SLC25A12: variants seen among roughly 807,000 people sequenced by gnomAD.
SLC25A12 encodes the protein solute carrier family 25 member 12.
In SLC25A12, 32 loss-of-function variants were observed where a neutral mutation model predicts 83.3. The observed-to-expected ratio is 0.38, with a 90% confidence interval of 0.29 to 0.52. The LOEUF is 0.52. SLC25A12 is among the 20% of genes least tolerant of loss of function. The probability of loss-of-function intolerance (pLI) is 0.84; values close to 1 mark genes in which losing one functional copy is unlikely to be tolerated. For synonymous variants in SLC25A12, 267 were observed against 291.1 expected (o/e 0.92, Z 0.84); for missense variants, 611 against 835.6 (o/e 0.73, Z 3.31).
At chr2:171,873,174 T>C (rs1685493174) in intron 2 of SLC25A12, among the ~76,000 whole-genome samples, 1 of 152,106 alleles carries the variant, frequency 6.6e-6, no homozygotes, top group African/African-American at 2.4e-5. Flanking sequence ...GAGGGCCGGA[T>C]GCAGTGGCTC....
rs1025199356 is a variant in SLC25A12 at position 171,807,895 on chromosome 2, A to G, written c.1305+1711T>C. On this transcript the variant is annotated intron_variant, in intron 13 of 17. Coordinates refer to ENST00000422440, the MANE Select transcript of SLC25A12 (RefSeq NM_003705.5). ...TCCACCTCTTCCAAAGCAACTCTGC[A>G]GAGGACTCAGGTATGTGCCACACTG... Among the ~76,000 whole-genome samples, 14 of 152,332 alleles carry G rather than the reference A, an allele frequency of 9.2e-5. No homozygotes were observed. The South Asian group carries it at 2.9e-3, about 32-fold the overall frequency.
chr2:171,818,513 G>A (rs1357237833), intron 9 of SLC25A12, among the ~76,000 whole-genome samples: 1 of 151,626 alleles, frequency 6.6e-6, no homozygotes, highest in Non-Finnish European at 1.5e-5. Context: ...GCTCATAGCA[G>A]TAATCCCAGC....
intron 2 of SLC25A12, among the ~76,000 whole-genome samples, chr2:171,880,544 C>T (rs1685669002): frequency 6.6e-6 from 1 of 152,150 alleles, no homozygotes; most frequent in Admixed American, 6.5e-5. Context: ...TTCGAAAGTG[C>T]TGGGATTACA....
At chr2:171,842,888 C>T (rs1442129711) in intron 5 of SLC25A12, among the ~76,000 whole-genome samples, 2 of 152,186 alleles carry the variant, frequency 1.3e-5, no homozygotes, top group Admixed American at 1.3e-4. Flanking sequence ...GCGATGCAAT[C>T]TCAGCTCACT....
At chr2:171,858,163 T>G (rs1236167322) in intron 3 of SLC25A12, among the ~76,000 whole-genome samples, 2 of 152,116 alleles carry the variant, frequency 1.3e-5, no homozygotes, top group Non-Finnish European at 2.9e-5. Flanking sequence ...TAAAAATGTG[T>G]CTCATATGCA....
chr2:171,783,419 A>C lies in SLC25A12; in HGVS notation c.*1855T>G, dbSNP rs1487285751. 6.6e-6 allele frequency among the ~76,000 whole-genome samples: 1 copy of C among 152,246 alleles called. No homozygotes were observed. Among genetic ancestry groups the C allele is most frequent in the Non-Finnish European group, 1.5e-5 (1 of 68,044 alleles). ...AATACTATGCAGCCATTAAAAATAAAACTTTATAAACTGACATGGAAAGAT... is the reference window on the plus strand; with the variant it reads ...AATACTATGCAGCCATTAAAAATAACACTTTATAAACTGACATGGAAAGAT... On this transcript the variant is annotated 3_prime_UTR_variant, in exon 18 of 18. Transcript: ENST00000422440.
chr2:171,817,600 CAAAAA>C (rs71013076), intron 9 of SLC25A12, among the ~76,000 whole-genome samples: 7 of 64,252 alleles, frequency 1.1e-4, no homozygotes, highest in South Asian at 1.4e-3. Flanking sequence ...GACTCTGCCT[CAAAAA>C]AAAAAAAAAA....
At chr2:171,853,561 A>C (rs1223791460) in intron 4 of SLC25A12, among the ~76,000 whole-genome samples, 1 of 152,148 alleles carries the variant, frequency 6.6e-6, no homozygotes, top group Non-Finnish European at 1.5e-5. Flanking sequence ...GGTGCCTGTA[A>C]TCCCAGGTAC....
At chr2:171,840,257 C>A (rs1225745800) in intron 5 of SLC25A12, among the ~76,000 whole-genome samples, 1 of 151,936 alleles carries the variant, frequency 6.6e-6, no homozygotes, top group African/African-American at 2.4e-5. Flanking sequence ...TGGTGGCACA[C>A]GCCTGTAGTA....
At chr2:171,870,196 AGTTT>A (rs892773848) in intron 2 of SLC25A12, among the ~76,000 whole-genome samples, 16 of 152,338 alleles carry the variant, frequency 1.1e-4, no homozygotes, top group African/African-American at 3.8e-4. Context: ...GCAAATCAAA[AGTTT>A]GGTAATTTTT....
At chr2:171,873,560 T>C (rs1217152820) in intron 2 of SLC25A12, among the ~76,000 whole-genome samples, 2 of 152,216 alleles carry the variant, frequency 1.3e-5, no homozygotes, top group Non-Finnish European at 2.9e-5. Flanking sequence ...TGGTTTTTTA[T>C]TATTTTAATA....
chr2:171,877,326 A>G (rs1029393632), intron 2 of SLC25A12, among the ~76,000 whole-genome samples: 2 of 152,210 alleles, frequency 1.3e-5, no homozygotes, highest in African/African-American at 4.8e-5. Flanking sequence ...CTGGATAGCA[A>G]TAACTCCTTT....
intron 13 of SLC25A12, among the ~76,000 whole-genome samples, chr2:171,800,754 C>A (rs965329404): frequency 6.6e-6 from 1 of 152,128 alleles, no homozygotes; most frequent in Non-Finnish European, 1.5e-5. Context: ...TAAATTCGTA[C>A]GATGAAATAC....
intron 8 of SLC25A12, among the ~76,000 whole-genome samples, chr2:171,832,625 T>C (rs762695424): frequency 1.3e-5 from 2 of 152,174 alleles, no homozygotes; most frequent in Non-Finnish European, 2.9e-5. Flanking sequence ...ATCCAACTCA[T>C]ACCCCTTTTG....
chr2:171,829,683 A>C (rs1282073853), intron 8 of SLC25A12, among the ~76,000 whole-genome samples: 1 of 152,250 alleles, frequency 6.6e-6, no homozygotes, highest in Non-Finnish European at 1.5e-5. Flanking sequence ...CTATTCAGAG[A>C]ACCCCAGAAA....
At chr2:171,824,363 T>C (rs1055365218) in intron 9 of SLC25A12, among the ~76,000 whole-genome samples, 1 of 152,104 alleles carries the variant, frequency 6.6e-6, no homozygotes, top group Admixed American at 6.6e-5. Context: ...ATATGGCCTC[T>C]AGGAAAATTG....
intron 9 of SLC25A12, among the ~76,000 whole-genome samples, chr2:171,819,392 T>A (rs370846566): frequency 1.1e-4 from 6 of 56,056 alleles, no homozygotes; most frequent in Admixed American, 4.0e-4. Flanking sequence ...ATAATATATA[T>A]TATATAATTA....
At chr2:171,853,407 G>A (rs536170717) in intron 4 of SLC25A12, among the ~76,000 whole-genome samples, 1 of 128,118 alleles carries the variant, frequency 7.8e-6, no homozygotes, top group Non-Finnish European at 1.7e-5. Flanking sequence ...TGGGTGCAGT[G>A]GCTCACGCCT....
Position 171,849,401 on chromosome 2 carries a change from G to GA in SLC25A12, c.326-4894dup, listed in dbSNP as rs1383271944. Among the ~76,000 whole-genome samples the GA allele has an allele frequency of 1.1e-3, 151 of 138,926 alleles. No homozygotes were observed. In the East Asian group the frequency reaches 0.012, roughly 11 times the overall value. The allele number at this position is 138,926 out of a possible 152,430, so 91.1% of individuals were successfully genotyped here. On this transcript the variant is annotated intron_variant, in intron 4 of 17. Coordinates refer to ENST00000422440, the MANE Select transcript of SLC25A12 (RefSeq NM_003705.5). ...CTGCAATATCCGAAAGCAACACCAA[G>GA]AAAAAAAAAAATCAAAAAATCTTCC...
Sources: gnomAD v4.1 joint callset for allele counts (sites outside exome capture counted in the v4.1 genomes callset) on GRCh38, gnomAD v4.1.1 for gene constraint, MANE v1.5 for transcripts, NCBI Gene and HGNC (gene_info 2026-07-23, HGNC 2026-07-21) for gene names.